Variants in NEGR1 observed in about 807,000 individuals in gnomAD.
NEGR1 encodes the protein neuronal growth regulator 1.
Under a neutral mutation model 40.9 loss-of-function variants are expected in NEGR1, and 10 were observed. That is an observed-to-expected ratio of 0.24 (90% CI 0.15 to 0.42). The LOEUF (loss-of-function observed/expected upper bound fraction) is 0.42, where lower values mean the gene tolerates loss of function less well. Ranked by LOEUF, NEGR1 falls within the 10% of genes least tolerant of loss-of-function variation. NEGR1 has a pLI of 1.00. For missense variants in NEGR1, 352 were observed against 438.9 expected (o/e 0.80, Z 1.77); for synonymous variants, 185 against 166.8 (o/e 1.11, Z -0.84).
intron 1 of NEGR1, among the ~76,000 whole-genome samples, chr1:71,968,970 C>T (rs769559004): frequency 5.3e-5 from 8 of 151,686 alleles, no homozygotes; most frequent in South Asian, 4.1e-4. Flanking sequence ...AGCTGCCATG[C>T]TGTGAGGGCT....
chr1:72,225,920 A>G (rs866440412), intron 1 of NEGR1, among the ~76,000 whole-genome samples: 1 of 151,786 alleles, frequency 6.6e-6, no homozygotes, highest in South Asian at 2.1e-4. Flanking sequence ...AATGTTTTTG[A>G]AGACTAATGG....
chr1:71,562,512 G>C (rs953636088), intron 6 of NEGR1, among the ~76,000 whole-genome samples: 2 of 151,776 alleles, frequency 1.3e-5, no homozygotes, highest in African/African-American at 4.8e-5. Context: ...TTGAGAAGCA[G>C]GTACTTTCAA....
At chr1:71,696,238 T>C (rs1424576605) in intron 4 of NEGR1, among the ~76,000 whole-genome samples, 1 of 151,784 alleles carries the variant, frequency 6.6e-6, no homozygotes, top group Non-Finnish European at 1.5e-5. Flanking sequence ...CTAAATTTCC[T>C]GCTTGACTAG....
At chr1:72,154,368 A>G (rs1440246385) in intron 1 of NEGR1, among the ~76,000 whole-genome samples, 1 of 151,908 alleles carries the variant, frequency 6.6e-6, no homozygotes, top group Non-Finnish European at 1.5e-5. Flanking sequence ...TGAATGGCTA[A>G]TTGTTGTTGA....
At chr1:71,665,112 T>G (rs2101593971) in intron 4 of NEGR1, among the ~76,000 whole-genome samples, 1 of 152,264 alleles carries the variant, frequency 6.6e-6, no homozygotes, top group South Asian at 2.1e-4. Flanking sequence ...TGAAAATATA[T>G]TAAACACTTT....
intron 6 of NEGR1, among the ~76,000 whole-genome samples, chr1:71,414,585 G>A (rs1250357295): frequency 6.6e-6 from 1 of 152,176 alleles, no homozygotes; most frequent in South Asian, 2.1e-4. Flanking sequence ...AAGATGAGAT[G>A]TGCTGAGTTA....
chr1:71,929,701 AG>A (rs542890212), intron 2 of NEGR1, among the ~76,000 whole-genome samples: 9 of 149,956 alleles, frequency 6.0e-5, no homozygotes, highest in Admixed American at 6.0e-4. Context: ...CAATGTATGT[AG>A]TATTTTTTCA....
chr1:71,551,775 C>T (rs894128318), intron 6 of NEGR1, among the ~76,000 whole-genome samples: 1 of 151,362 alleles, frequency 6.6e-6, no homozygotes, highest in Non-Finnish European at 1.5e-5. Flanking sequence ...ATTGGTCATC[C>T]TGGGAAGATG....
At chr1:72,112,758 C>T (rs1392124628) in intron 1 of NEGR1, among the ~76,000 whole-genome samples, 2 of 151,614 alleles carry the variant, frequency 1.3e-5, no homozygotes, top group Non-Finnish European at 3.0e-5. Context: ...TATTAAAAAT[C>T]ATCATCCTTT....
chr1:71,926,529 C>T (rs868849879), intron 2 of NEGR1, among the ~76,000 whole-genome samples: 2 of 151,586 alleles, frequency 1.3e-5, no homozygotes, highest in Non-Finnish European at 2.9e-5. Flanking sequence ...AGCAAAGATG[C>T]TTATTTAAAT....
At chr1:71,831,715 T>C (rs561910848) in intron 2 of NEGR1, among the ~76,000 whole-genome samples, 31 of 151,476 alleles carry the variant, frequency 2.0e-4, no homozygotes, top group African/African-American at 7.0e-4. Context: ...TAGAGGACAG[T>C]GGGAGGATCG....
intron 3 of NEGR1, among the ~76,000 whole-genome samples, chr1:71,765,387 G>C (rs1219305001): frequency 6.6e-6 from 1 of 152,066 alleles, no homozygotes; most frequent in Non-Finnish European, 1.5e-5. Context: ...AACTTTCCAA[G>C]AGTTTGTTGA....
intron 4 of NEGR1, among the ~76,000 whole-genome samples, chr1:71,630,799 C>T (rs1480668039): frequency 6.6e-6 from 1 of 151,876 alleles, no homozygotes; most frequent in African/African-American, 2.4e-5. Context: ...ATTCTACTGG[C>T]ATTCATTTAG....
chr1:72,196,660 CAAG>C, intron 1 of NEGR1, among the ~76,000 whole-genome samples: 1 of 68,978 alleles, frequency 1.4e-5, no homozygotes, highest in African/African-American at 6.4e-5. Flanking sequence ...ATCCCAGTTA[CAAG>C]TGATCAAGGA....
chr1:71,442,426 A>G (rs1052098780), intron 6 of NEGR1, among the ~76,000 whole-genome samples: 2 of 151,838 alleles, frequency 1.3e-5, no homozygotes, highest in Non-Finnish European at 2.9e-5. Context: ...ACCAGCCTGG[A>G]AACATGGTGA....
intron 4 of NEGR1, among the ~76,000 whole-genome samples, chr1:71,681,574 G>GT (rs1464789368): frequency 6.6e-6 from 1 of 151,968 alleles, no homozygotes; most frequent in Non-Finnish European, 1.5e-5. Flanking sequence ...ATATTTGTGC[G>GT]TATCTTTTTA....
At chr1:72,227,211 G>A (rs575422577) in intron 1 of NEGR1, among the ~76,000 whole-genome samples, 1 of 151,922 alleles carries the variant, frequency 6.6e-6, no homozygotes, top group Non-Finnish European at 1.5e-5. Context: ...CTACCTCATG[G>A]GAAAGTCATG....
intron 1 of NEGR1, among the ~76,000 whole-genome samples, chr1:72,072,982 C>T (rs1647537245): frequency 6.6e-6 from 1 of 152,016 alleles, no homozygotes; most frequent in Admixed American, 6.6e-5. Flanking sequence ...CAATCTGTTC[C>T]CTTAGACACA....
At chr1:71,813,657 T>C (rs1239456410) in intron 2 of NEGR1, among the ~76,000 whole-genome samples, 2 of 152,148 alleles carry the variant, frequency 1.3e-5, no homozygotes, top group Non-Finnish European at 2.9e-5. Context: ...ACTTCTCTTA[T>C]TAGCTGTATT....
Sources: gnomAD v4.1 joint callset for allele counts (sites outside exome capture counted in the v4.1 genomes callset) on GRCh38, gnomAD v4.1.1 for gene constraint, MANE v1.5 for transcripts, NCBI Gene and HGNC (gene_info 2026-07-23, HGNC 2026-07-21) for gene names.